Variants in PTPRT observed in about 807,000 individuals in gnomAD.
The protein encoded by PTPRT is receptor-type tyrosine-protein phosphatase T.
In PTPRT, 56 loss-of-function variants were observed where a neutral mutation model predicts 176.8. The observed-to-expected ratio is 0.32, with a 90% CI of 0.26 to 0.40. The LOEUF (loss-of-function observed/expected upper bound fraction) is 0.40, where lower values mean the gene tolerates loss of function less well. Among genes scored for constraint, PTPRT ranks in the 10% least tolerant of loss-of-function variants. The pLI is 1.00. For missense variants in PTPRT, 1,540 were observed against 1,908.2 expected (o/e 0.81, Z 3.60); for synonymous variants, 783 against 739.0 (o/e 1.06, Z -0.96).
chr20:43,017,236 T>A (rs1185035735), intron 1 of PTPRT, among the ~76,000 whole-genome samples: 1 of 152,170 alleles, frequency 6.6e-6, no homozygotes, highest in African/African-American at 2.4e-5. Context: ...TTAATTTTTT[T>A]AAATATTGCA....
At chr20:43,141,558 A>C (rs150171329) in intron 1 of PTPRT, among the ~76,000 whole-genome samples, 1 of 152,320 alleles carries the variant, frequency 6.6e-6, no homozygotes, top group East Asian at 1.9e-4. Context: ...CTACTCTCCC[A>C]TTGGCCAAAA....
chr20:42,402,510 G>GAAAAAAAAAAAAAA (rs2058919048), intron 9 of PTPRT, among the ~76,000 whole-genome samples: 1 of 135,506 alleles, frequency 7.4e-6, no homozygotes. Flanking sequence ...AAAAAAAAAG[G>GAAAAAAAAAAAAAA]AAAAGTCAGC....
intron 1 of PTPRT, among the ~76,000 whole-genome samples, chr20:42,974,436 T>C (rs931107446): frequency 2.0e-5 from 3 of 151,994 alleles, no homozygotes; most frequent in Admixed American, 2.0e-4. Context: ...TCCAACTTCA[T>C]TCTCTCTGTA....
chr20:42,427,717 C>T (rs976714777), intron 9 of PTPRT, among the ~76,000 whole-genome samples: 26 of 152,194 alleles, frequency 1.7e-4, no homozygotes, highest in African/African-American at 5.3e-4. Context: ...TGCACGTATA[C>T]ATCCAGATGG....
Position 42,248,742 on chromosome 20 carries a change from C to T in PTPRT, c.2257G>A (p.Gly753Ser). Residue 753 changes from glycine to serine, a missense_variant, in exon 14 of 31, where the codon GGC becomes AGC. Transcript: ENST00000373187. ...NTVKMAGVIAGLLMFIIILLG... is the reference protein window; with the variant it reads ...NTVKMAGVIASLLMFIIILLG... Reference sequence around the variant, plus strand: ...AGAATGATGATGAACATGAGGAGGCCAGCGATCACGCCAGCCATCTTCACG... The same window carrying T: ...AGAATGATGATGAACATGAGGAGGCTAGCGATCACGCCAGCCATCTTCACG... 5 of 1,614,024 alleles carry T rather than the reference C, an allele frequency of 3.1e-6. No homozygotes were observed. Among genetic ancestry groups the T allele is most frequent in the Non-Finnish European group, 4.2e-6 (5 of 1,179,962 alleles).
intron 7 of PTPRT, among the ~76,000 whole-genome samples, chr20:42,598,445 A>G (rs1417748834): frequency 6.6e-6 from 1 of 152,166 alleles, no homozygotes; most frequent in African/African-American, 2.4e-5. Flanking sequence ...TAAAATGAGT[A>G]GTGTACAAAA....
In PTPRT at chr20:42,560,589, C is replaced by T. The variant is rs965306919; in HGVS notation, c.1154-88027G>A. ...TTGCCTCAGGGTACATCTCTATAGA[C>T]GGCCCTTTCATTTAATTCCCACTGC... On this transcript the variant is annotated intron_variant, in intron 7 of 30. Coordinates refer to ENST00000373187, the MANE Select transcript of PTPRT (RefSeq NM_007050.6). 1.4e-4 allele frequency among the ~76,000 whole-genome samples: 22 copies of T among 152,136 alleles called. 1 individual carries two copies. Among genetic ancestry groups the T allele is most frequent in the Admixed American group, 5.2e-4 (8 of 15,276 alleles).
chr20:42,415,662 A>G (rs2059059783), intron 9 of PTPRT, among the ~76,000 whole-genome samples: 2 of 152,252 alleles, frequency 1.3e-5, no homozygotes, highest in African/African-American at 4.8e-5. Flanking sequence ...CATTTAGGAA[A>G]TAGTCAATAC....
chr20:42,688,770 C>T lies in PTPRT; in HGVS notation c.860-10611G>A, dbSNP rs1040463679. Among the ~76,000 whole-genome samples the T allele has an allele frequency of 4.6e-5, 7 of 152,190 alleles. No individual in the cohort carries two copies. In the East Asian group the frequency reaches 1.2e-3, roughly 25 times the overall value. Reference sequence around the variant, plus strand: ...TGAGCTGATGCCCCACTGTTCTCAGCACCCTGGTCAGCGACACAGTGAGGC... The same window carrying T: ...TGAGCTGATGCCCCACTGTTCTCAGTACCCTGGTCAGCGACACAGTGAGGC... On this transcript the variant is annotated intron_variant, in intron 6 of 30. Coordinates refer to ENST00000373187, the MANE Select transcript of PTPRT (RefSeq NM_007050.6).
intron 9 of PTPRT, among the ~76,000 whole-genome samples, chr20:42,436,750 A>ATC (rs1247473728): frequency 6.6e-6 from 1 of 152,242 alleles, no homozygotes; most frequent in African/African-American, 2.4e-5. Flanking sequence ...CACTGCTGAT[A>ATC]AAGGCAACAT....
At chr20:42,435,540 C>T (rs1269191794) in intron 9 of PTPRT, among the ~76,000 whole-genome samples, 1 of 152,034 alleles carries the variant, frequency 6.6e-6, no homozygotes, top group East Asian at 1.9e-4. Flanking sequence ...CCAGTGAGAC[C>T]AGAGGGAAAA....
intron 18 of PTPRT, among the ~76,000 whole-genome samples, chr20:42,130,796 T>C (rs1366538618): frequency 6.6e-6 from 1 of 152,116 alleles, no homozygotes; most frequent in Non-Finnish European, 1.5e-5. Context: ...GTCTAAGCAA[T>C]CCCTTTGGGT....
intron 7 of PTPRT, among the ~76,000 whole-genome samples, chr20:42,664,692 C>T (rs546979346): frequency 6.6e-6 from 1 of 152,108 alleles, no homozygotes; most frequent in Non-Finnish European, 1.5e-5. Context: ...TGGTCTTGAA[C>T]TCCTGGGCTC....
intron 1 of PTPRT, among the ~76,000 whole-genome samples, chr20:43,026,731 C>G (rs988891505): frequency 6.6e-6 from 1 of 152,194 alleles, no homozygotes; most frequent in South Asian, 2.1e-4. Flanking sequence ...ACCCCTTCCA[C>G]ACCCTCACTT....
chr20:43,085,104 C>T (rs925344982), intron 1 of PTPRT, among the ~76,000 whole-genome samples: 3 of 152,158 alleles, frequency 2.0e-5, no homozygotes, highest in African/African-American at 7.2e-5. Flanking sequence ...CAGATTGACT[C>T]GCAGGGTAAC....
intron 7 of PTPRT, among the ~76,000 whole-genome samples, chr20:42,677,118 T>C (rs1043882616): frequency 6.6e-5 from 10 of 152,246 alleles, no homozygotes; most frequent in Middle Eastern, 6.8e-3. Context: ...CAGGAAGCTC[T>C]TAGGGACTAA....
At chr20:42,599,888 G>C (rs2073745112) in intron 7 of PTPRT, among the ~76,000 whole-genome samples, 1 of 151,950 alleles carries the variant, frequency 6.6e-6, no homozygotes, top group Non-Finnish European at 1.5e-5. Context: ...CAAATTATCT[G>C]CAAAATGGTC....
At chr20:42,970,063 T>A (rs1375384500) in intron 1 of PTPRT, among the ~76,000 whole-genome samples, 1 of 152,082 alleles carries the variant, frequency 6.6e-6, no homozygotes, top group Non-Finnish European at 1.5e-5. Context: ...GCTGGCCCGG[T>A]TAATCAGTGG....
chr20:42,366,536 GTTC>G (rs1255564440), intron 9 of PTPRT, among the ~76,000 whole-genome samples: 1 of 152,138 alleles, frequency 6.6e-6, no homozygotes, highest in Non-Finnish European at 1.5e-5. Flanking sequence ...TCTCTGTCCA[GTTC>G]TTCTTCTGTC....
Sources: gnomAD v4.1 joint callset for allele counts (sites outside exome capture counted in the v4.1 genomes callset) on GRCh38, gnomAD v4.1.1 for gene constraint, MANE v1.5 for transcripts, NCBI Gene and HGNC (gene_info 2026-07-23, HGNC 2026-07-21) for gene names.